SNTG1: variants seen among roughly 807,000 people sequenced by gnomAD.
The protein encoded by SNTG1 is gamma-1-syntrophin.
A neutral mutation model predicts 74.7 loss-of-function variants in SNTG1; 39 were observed. That is an observed-to-expected ratio of 0.52 (90% CI 0.40 to 0.68). The LOEUF is 0.68. SNTG1 is among the 30% of genes least tolerant of loss of function. The pLI, the probability that SNTG1 is intolerant of heterozygous loss-of-function variation, is 0.00. For missense variants in SNTG1, 685 were observed against 609.5 expected (o/e 1.12, Z -1.30); for synonymous variants, 254 against 217.1 (o/e 1.17, Z -1.49).
chr8:50,707,972 G>T (rs2095449197), intron 16 of SNTG1: 3 of 376,358 alleles, frequency 8.0e-6, no homozygotes, highest in Non-Finnish European at 1.4e-5. Context: ...GGAGGCCGAG[G>T]CGGGTGGATC....
At chr8:50,228,349 G>C (rs535390123) in intron 2 of SNTG1, among the ~76,000 whole-genome samples, 1 of 151,824 alleles carries the variant, frequency 6.6e-6, no homozygotes, top group Non-Finnish European at 1.5e-5. Context: ...AAAAAAAGAT[G>C]ATCAGAAGGA....
intron 1 of SNTG1, among the ~76,000 whole-genome samples, chr8:49,969,423 C>G (rs113543549): frequency 0.051 from 5,758 of 113,648 alleles, 443 homozygotes; most frequent in African/African-American, 0.18. Flanking sequence ...TTGAAATGGA[C>G]TCTCTCTCTG....
intron 15 of SNTG1, among the ~76,000 whole-genome samples, chr8:50,663,847 C>G (rs1057256863): frequency 6.6e-6 from 1 of 152,132 alleles, no homozygotes; most frequent in African/African-American, 2.4e-5. Context: ...CTCAGCATTG[C>G]AAATGCCTCC....
intron 15 of SNTG1, among the ~76,000 whole-genome samples, chr8:50,701,618 C>CTTCTTCTTCCTCTT (rs201341360): frequency 6.6e-5 from 9 of 136,890 alleles, no homozygotes; most frequent in Non-Finnish European, 1.1e-4. Flanking sequence ...TCTTCTTCTT[C>CTTCTTCTTCCTCTT]GTGTTCCTCT....
Position 50,272,356 on chromosome 8 carries a change from A to G in SNTG1, c.-28+99721A>G, listed in dbSNP as rs192974860. ...TGAAGCAGCAGCTTTTTTGTAGCTC[A>G]CATATACATTTGCTTTCATGCCTGC... On this transcript the variant is annotated intron_variant, in intron 2 of 18. Coordinates refer to ENST00000642720, the MANE Select transcript of SNTG1 (RefSeq NM_018967.5). Among the ~76,000 whole-genome samples, 4 of 152,292 alleles carry G rather than the reference A, an allele frequency of 2.6e-5. No homozygotes were observed. In the East Asian group the frequency reaches 7.7e-4, roughly 29 times the overall value.
At chr8:50,314,785 T>G (rs559564584) in intron 2 of SNTG1, among the ~76,000 whole-genome samples, 1 of 150,126 alleles carries the variant, frequency 6.7e-6, no homozygotes, top group African/African-American at 2.5e-5. Context: ...TTAAAAGATT[T>G]GTGTAATCTC....
rs565031394 is a variant in SNTG1 at position 50,454,016 on chromosome 8, C to T, written c.363+3287C>T. 3.1e-4 allele frequency among the ~76,000 whole-genome samples: 47 copies of T among 152,280 alleles called. 2 individuals carry two copies. The highest frequency in any genetic ancestry group is 2.7e-3 in the Admixed American group (42 of 15,298). ...TTTTCCATGTGAACACGTTTTGGAG[C>T]TTATGAGTTGTACCTCCAAGAGACC... On this transcript the variant is annotated intron_variant, in intron 8 of 18. Transcript: ENST00000642720.
intron 1 of SNTG1, among the ~76,000 whole-genome samples, chr8:50,089,200 C>T (rs1419099469): frequency 1.3e-5 from 2 of 151,976 alleles, no homozygotes; most frequent in African/African-American, 4.8e-5. Context: ...ACTGGCTAGC[C>T]ATATGTAGAA....
At chr8:49,946,282 T>C (rs1185739683) in intron 1 of SNTG1, among the ~76,000 whole-genome samples, 1 of 152,200 alleles carries the variant, frequency 6.6e-6, no homozygotes, top group African/African-American at 2.4e-5. Context: ...CTTAAGCATA[T>C]AAAAGTCCGT....
intron 4 of SNTG1, among the ~76,000 whole-genome samples, chr8:50,408,032 G>T (rs1385661758): frequency 6.6e-6 from 1 of 152,292 alleles, no homozygotes; most frequent in South Asian, 2.1e-4. Context: ...AACTGGGGAA[G>T]TTACAAATCT....
Position 50,527,769 on chromosome 8 carries a change from T to C in SNTG1, c.467-2408T>C, listed in dbSNP as rs1225119604. ...CATGCCAATTTGCATAAAAAATGTATTGGAATTTTGAATGGAACTAAATTA... is the reference window on the plus strand; with the variant it reads ...CATGCCAATTTGCATAAAAAATGTACTGGAATTTTGAATGGAACTAAATTA... On this transcript the variant is annotated intron_variant, in intron 9 of 18. Transcript: ENST00000642720. Among the ~76,000 whole-genome samples, 10 of 152,144 alleles carry C rather than the reference T, an allele frequency of 6.6e-5. No individual in the cohort carries two copies. In the East Asian group the frequency reaches 1.3e-3, roughly 21 times the overall value.
At chr8:50,247,440 G>C (rs12056426) in intron 2 of SNTG1, among the ~76,000 whole-genome samples, 11 of 152,000 alleles carry the variant, frequency 7.2e-5, no homozygotes, top group African/African-American at 2.2e-4. Flanking sequence ...CCTCAAACTA[G>C]ATTTTGTTCT....
intron 18 of SNTG1, among the ~76,000 whole-genome samples, chr8:50,780,629 CT>C (rs1004982273): frequency 3.3e-5 from 5 of 151,932 alleles, no homozygotes; most frequent in Admixed American, 2.6e-4. Flanking sequence ...GGTCTATCAA[CT>C]TTGTTGATCT....
intron 8 of SNTG1, among the ~76,000 whole-genome samples, chr8:50,459,323 A>G (rs2093538114): frequency 6.6e-6 from 1 of 152,136 alleles, no homozygotes; most frequent in Non-Finnish European, 1.5e-5. Context: ...TGTTCTGTTT[A>G]TATCTGATTG....
Position 50,702,766 on chromosome 8 carries a change from C to T in SNTG1, c.1039-1834C>T, listed in dbSNP as rs536666699. On this transcript the variant is annotated intron_variant, in intron 15 of 18. Coordinates refer to ENST00000642720, the MANE Select transcript of SNTG1 (RefSeq NM_018967.5). ...GCTTGCACAACCTGAGACAGCATAACGTACTGCACAGCGAGGTTATACAGT... is the reference window on the plus strand; with the variant it reads ...GCTTGCACAACCTGAGACAGCATAATGTACTGCACAGCGAGGTTATACAGT... 2.4e-4 allele frequency among the ~76,000 whole-genome samples: 37 copies of T among 152,302 alleles called. No individual in the cohort carries two copies. In the South Asian group the frequency reaches 6.4e-3, roughly 26 times the overall value.
At chr8:50,233,459 A>G (rs2132078598) in intron 2 of SNTG1, among the ~76,000 whole-genome samples, 1 of 151,946 alleles carries the variant, frequency 6.6e-6, no homozygotes, top group Middle Eastern at 3.4e-3. Context: ...CTTTAACTCT[A>G]TAAAACTTTG....
chr8:50,595,599 CT>C (rs1399669468), intron 13 of SNTG1, among the ~76,000 whole-genome samples: 2 of 151,992 alleles, frequency 1.3e-5, no homozygotes, highest in African/African-American at 4.8e-5. Flanking sequence ...AAAGAACTGT[CT>C]TAATTCTCAT....
At chr8:50,451,048 G>T (rs1468741346) in intron 8 of SNTG1, among the ~76,000 whole-genome samples, 1 of 152,014 alleles carries the variant, frequency 6.6e-6, no homozygotes, top group South Asian at 2.1e-4. Context: ...CTCTGTAAAT[G>T]TTTAAAAGCT....
intron 8 of SNTG1, among the ~76,000 whole-genome samples, chr8:50,489,489 C>G (rs145225447): frequency 0.018 from 2,749 of 152,294 alleles, 95 homozygotes; most frequent in African/African-American, 0.063. Flanking sequence ...GAGATGATAT[C>G]TCATTGTGGT....
Sources: allele counts gnomAD v4.1 joint callset (sites outside exome capture counted in the v4.1 genomes callset), GRCh38; gene constraint gnomAD v4.1.1; transcripts MANE v1.5; gene names NCBI Gene and HGNC (gene_info 2026-07-23, HGNC 2026-07-21).